The following CFAP54 variants were observed in gnomAD, a reference collection of about 807,000 sequenced individuals.
CFAP54 encodes the protein cilia- and flagella-associated protein 54.
CFAP54 carries 290 observed loss-of-function variants against 370.4 expected under a neutral mutation model. The observed-to-expected ratio is 0.78, with a 90% CI of 0.71 to 0.86. The LOEUF (loss-of-function observed/expected upper bound fraction) is 0.86. Among genes scored for constraint, CFAP54 ranks in the 40% least tolerant of loss-of-function variants. The pLI is 0.00. For synonymous variants in CFAP54, 1,206 were observed against 1,236.5 expected, an observed-to-expected ratio of 0.98 and a Z score of 0.52; for missense variants, 3,399 against 3,528.7, an observed-to-expected ratio of 0.96 and a Z score of 0.93.
In CFAP54 at chr12:96,554,768, TC is replaced by T; in HGVS notation, c.2377del (p.Arg793GlufsTer2). ...LHLELIQAQHRIAVVLLDKLQ... is the reference protein window; with the variant it reads ...LHLELIQAQHXIAVVLLDKLQ... ...ATCTTGAACTAATTCAAGCTCAGCA[TC>T]GAATAGCTGTTGTGCTTCTGGACAA... On this transcript the variant is annotated frameshift_variant, in exon 17 of 68. Coordinates refer to ENST00000524981, the MANE Select transcript of CFAP54 (RefSeq NM_001306084.2). LOFTEE classifies it high-confidence loss of function. The T allele has an allele frequency of 2.0e-6, 3 of 1,534,928 alleles. No homozygotes were observed. The highest frequency in any genetic ancestry group is 2.6e-6 in the Non-Finnish European group (3 of 1,146,114).
intron 8 of CFAP54, among the ~76,000 whole-genome samples, chr12:96,524,901 CTTTCAAATCTTTT>C (rs1955360590): frequency 1.3e-5 from 2 of 152,048 alleles, no homozygotes; most frequent in Non-Finnish European, 2.9e-5. Context: ...TACTTTAGTT[CTTTCAAATCTTTT>C]TTTGCTATTA....
rs1231558715 is a variant in CFAP54 at position 96,618,566 on chromosome 12, A to G, written c.3640-3024A>G. ...ACAGGAAGCAAGGTCATTTGCTGAC[A>G]GTTAGGAGGAGATGGGTAAGGGTGG... On this transcript the variant is annotated intron_variant, in intron 26 of 67. Transcript: ENST00000524981. 2.7e-5 allele frequency among the ~76,000 whole-genome samples: 4 copies of G among 150,618 alleles called. No individual in the cohort carries two copies. In the East Asian group the frequency reaches 7.8e-4, roughly 29 times the overall value.
chr12:96,760,071 A>G (rs1307907957), intron 58 of CFAP54, among the ~76,000 whole-genome samples: 2 of 152,212 alleles, frequency 1.3e-5, no homozygotes, highest in African/African-American at 4.8e-5. Context: ...AGAGAGATAA[A>G]TAATTGTATT....
At chr12:96,552,113 G>A (rs1449194737) in intron 15 of CFAP54, among the ~76,000 whole-genome samples, 1 of 151,890 alleles carries the variant, frequency 6.6e-6, no homozygotes, top group East Asian at 1.9e-4. Flanking sequence ...GGGCATGGTG[G>A]CGCATGCCTG....
At chr12:96,613,584 G>T (rs1248858327) in intron 26 of CFAP54, among the ~76,000 whole-genome samples, 3 of 152,210 alleles carry the variant, frequency 2.0e-5, no homozygotes, top group Non-Finnish European at 4.4e-5. Flanking sequence ...CCAGGAGCTG[G>T]TTTTTTGAAA....
chr12:96,519,523 T>C (rs1056784079), intron 6 of CFAP54, among the ~76,000 whole-genome samples: 3 of 152,216 alleles, frequency 2.0e-5, no homozygotes, highest in African/African-American at 7.2e-5. Flanking sequence ...TTGCACAAAT[T>C]GGCTTGGCTT....
intron 32 of CFAP54, among the ~76,000 whole-genome samples, chr12:96,641,074 A>G (rs1001937869): frequency 6.6e-6 from 1 of 152,202 alleles, no homozygotes; most frequent in Non-Finnish European, 1.5e-5. Flanking sequence ...AAATTGACAA[A>G]TGGGATCTAA....
chr12:96,757,050 T>C (rs1289008660), intron 57 of CFAP54, among the ~76,000 whole-genome samples: 1 of 152,240 alleles, frequency 6.6e-6, no homozygotes, highest in East Asian at 1.9e-4. Context: ...AGTGAATACA[T>C]AGACCTAACC....
At chr12:96,793,236 C>T (rs1958721722) in intron 63 of CFAP54, among the ~76,000 whole-genome samples, 1 of 152,120 alleles carries the variant, frequency 6.6e-6, no homozygotes, top group Admixed American at 6.5e-5. Flanking sequence ...CATTCTTATA[C>T]ATTTGCATCC....
intron 35 of CFAP54, among the ~76,000 whole-genome samples, chr12:96,651,003 C>T (rs1476215479): frequency 6.6e-6 from 1 of 152,142 alleles, no homozygotes; most frequent in African/African-American, 2.4e-5. Context: ...CCCTGAGCCT[C>T]AAATGCTCTT....
chr12:96,734,923 T>G (rs146933703), intron 50 of CFAP54, among the ~76,000 whole-genome samples: 222 of 152,272 alleles, frequency 1.5e-3, no homozygotes, highest in African/African-American at 5.1e-3. Context: ...GTTCCTTTCA[T>G]TTTTACATAA....
intron 19 of CFAP54, chr12:96,572,879 C>A (rs1955936748): frequency 1.0e-6 from 1 of 985,252 alleles, no homozygotes; most frequent in African/African-American, 1.7e-5. Context: ...CATGGCAGAA[C>A]ACAGAAAGTT....
rs562355135 is a variant in CFAP54 at position 96,611,851 on chromosome 12, G to A, written c.3640-9739G>A. ...AGAAGAGAAGTTTAGAGAAAAAAGA[G>A]TAAAAATAAATGAACAAAGCCTCCA... is the stretch of plus-strand genomic sequence containing the variant. On this transcript the variant is annotated intron_variant, in intron 26 of 67. Coordinates refer to ENST00000524981, the MANE Select transcript of CFAP54 (RefSeq NM_001306084.2). 3.0e-3 allele frequency among the ~76,000 whole-genome samples: 459 copies of A among 152,280 alleles called. 4 individuals carry two copies. The highest frequency in any genetic ancestry group is 0.01 in the African/African-American group (420 of 41,562).
At chr12:96,664,814 G>T (rs9706187) in intron 39 of CFAP54, among the ~76,000 whole-genome samples, 6,098 of 23,672 alleles carry the variant, frequency 0.26, 554 homozygotes, top group South Asian at 0.49. Flanking sequence ...TATATATATA[G>T]ATATATATAT....
intron 66 of CFAP54, among the ~76,000 whole-genome samples, chr12:96,830,737 G>A (rs1266142455): frequency 1.3e-5 from 2 of 152,100 alleles, no homozygotes; most frequent in African/African-American, 4.8e-5. Context: ...GGAGTGCAGT[G>A]GTGTGATCTT....
At chr12:96,732,430 C>A (rs144202133) in intron 50 of CFAP54, among the ~76,000 whole-genome samples, 1 of 152,074 alleles carries the variant, frequency 6.6e-6, no homozygotes, top group African/African-American at 2.4e-5. Context: ...CCATGCCTGG[C>A]CACTTGGTAG....
Position 96,541,576 on chromosome 12 carries a change from G to A in CFAP54, c.2077+589G>A, listed in dbSNP as rs116989880. Among the ~76,000 whole-genome samples the A allele has an allele frequency of 6.5e-3, 985 of 152,172 alleles. 30 individuals carry two copies. The highest frequency in any genetic ancestry group is 0.045 in the Admixed American group (683 of 15,270). ...GCTGGGATTACAGATGTGAGCCACTGCACCCAACCACCTCTCCTCTCTTTT... is the reference window on the plus strand; with the variant it reads ...GCTGGGATTACAGATGTGAGCCACTACACCCAACCACCTCTCCTCTCTTTT... On this transcript the variant is annotated intron_variant, in intron 14 of 67. Transcript: ENST00000524981.
intron 26 of CFAP54, among the ~76,000 whole-genome samples, chr12:96,616,944 C>T (rs1956425433): frequency 6.6e-6 from 1 of 151,820 alleles, no homozygotes; most frequent in South Asian, 2.1e-4. Flanking sequence ...GAGATGAGTT[C>T]AGAGAGAAGA....
chr12:96,561,703 A>G (rs2136407826), intron 17 of CFAP54, among the ~76,000 whole-genome samples: 2 of 93,128 alleles, frequency 2.1e-5, no homozygotes, highest in East Asian at 6.8e-4. Flanking sequence ...GAGCTAAGAA[A>G]TACACACACA....
Sources: gnomAD v4.1 joint callset for allele counts (sites outside exome capture counted in the v4.1 genomes callset) on GRCh38, gnomAD v4.1.1 for gene constraint, MANE v1.5 for transcripts, NCBI Gene and HGNC (gene_info 2026-07-23, HGNC 2026-07-21) for gene names.